Variants in HSPA12A observed in about 807,000 individuals in gnomAD.
HSPA12A encodes heat shock protein family A (Hsp70) member 12A.
HSPA12A carries 28 observed loss-of-function variants against 69.2 expected under a neutral mutation model. The ratio of observed to expected loss-of-function variants is 0.40; its 90% CI spans 0.30 to 0.55. The LOEUF (loss-of-function observed/expected upper bound fraction) is 0.55. HSPA12A is among the 20% of genes least tolerant of loss of function. The pLI, the probability that HSPA12A is intolerant of heterozygous loss-of-function variation, is 0.38. For missense variants in HSPA12A, 686 were observed against 900.7 expected, an observed-to-expected ratio of 0.76 and a Z score of 3.05; for synonymous variants, 345 against 370.5, an observed-to-expected ratio of 0.93 and a Z score of 0.79.
chr10:116,719,688 G>C (rs1850714989), intron 1 of HSPA12A, among the ~76,000 whole-genome samples: 1 of 152,134 alleles, frequency 6.6e-6, no homozygotes, highest in Non-Finnish European at 1.5e-5. Context: ...GAATAATGCA[G>C]GCAAAAGTCT....
chr10:116,790,097 T>C (rs1040771923), intron 2 of HSPA12A, among the ~76,000 whole-genome samples: 1 of 127,136 alleles, frequency 7.9e-6, no homozygotes, highest in African/African-American at 3.0e-5. Context: ...TCTTTCTTTT[T>C]TTTTTTTTTT....
chr10:116,827,517 G>GCCA (rs1338838411), intron 2 of HSPA12A: 1 of 152,230 alleles, frequency 6.6e-6, no homozygotes, highest in East Asian at 1.9e-4. Context: ...CAGTGCTGGT[G>GCCA]CCACCACCAC....
In HSPA12A at chr10:116,750,346, C is replaced by T. The variant is rs1554888210; in HGVS notation, c.92-43061G>A. 6.7e-6 allele frequency: 5 copies of T among 744,536 alleles called. No homozygotes were observed. In the African/African-American group the frequency reaches 6.8e-5, roughly 10 times the overall value. The allele number at this position is 744,536 out of a possible 1,614,324, so 46.1% of individuals were successfully genotyped here. ...CCTTCACCTGCTATTTGGATGCAGG[C>T]CTTGCCAAAACTACTTCTGGCAATA... On this transcript the variant is annotated intron_variant, in intron 2 of 12. Coordinates refer to the HSPA12A transcript ENST00000635765.
chr10:116,786,804 T>C (rs1589705722), intron 2 of HSPA12A, among the ~76,000 whole-genome samples: 1 of 152,220 alleles, frequency 6.6e-6, no homozygotes, highest in East Asian at 1.9e-4. Context: ...CACGTCCAGC[T>C]AATTTTTGTA....
chr10:116,777,078 T>G lies in HSPA12A; in HGVS notation c.91+57857A>C, dbSNP rs570358837. Among the ~76,000 whole-genome samples, 12 of 152,338 alleles carry G rather than the reference T, an allele frequency of 7.9e-5. No individual in the cohort carries two copies. The South Asian group carries it at 2.3e-3, about 29-fold the overall frequency. ...CTGTGTAGCCCGCTGAATTGTTCTCTGACATGAGTAGTGTGAGACGCCAGC... is the reference window on the plus strand; with the variant it reads ...CTGTGTAGCCCGCTGAATTGTTCTCGGACATGAGTAGTGTGAGACGCCAGC... On this transcript the variant is annotated intron_variant, in intron 2 of 12. Coordinates refer to the HSPA12A transcript ENST00000635765.
At chr10:116,715,418 G>C (rs1554883667) in intron 1 of HSPA12A, among the ~76,000 whole-genome samples, 1 of 152,200 alleles carries the variant, frequency 6.6e-6, no homozygotes, top group East Asian at 1.9e-4. Context: ...CATTGGTAAT[G>C]CTAAGGGATT....
chr10:116,711,792 T>C (rs542769083), intron 1 of HSPA12A, among the ~76,000 whole-genome samples: 2 of 151,564 alleles, frequency 1.3e-5, no homozygotes, highest in East Asian at 3.9e-4. Flanking sequence ...GCCTCCCGAG[T>C]AGCTGGGACT....
intron 1 of HSPA12A, among the ~76,000 whole-genome samples, chr10:116,838,993 A>G (rs1216058806): frequency 2.0e-5 from 3 of 152,218 alleles, no homozygotes; most frequent in African/African-American, 4.8e-5. Flanking sequence ...ACCAATATGT[A>G]TTTCATCCAC....
chr10:116,744,401 C>T (rs780920574), upstream of HSPA12A, among the ~76,000 whole-genome samples: 151 of 152,346 alleles, frequency 9.9e-4, no homozygotes, highest in Non-Finnish European at 1.8e-3. Flanking sequence ...ACCAGGGCAT[C>T]AGGACATTGG....
chr10:116,847,610 C>T (rs1434720887), intron 1 of HSPA12A, among the ~76,000 whole-genome samples: 2 of 152,202 alleles, frequency 1.3e-5, no homozygotes, highest in African/African-American at 2.4e-5. Flanking sequence ...ACCTCCAAAA[C>T]ATCTGATTGT....
intron 7 of HSPA12A, 140 bp downstream of exon 7, chr10:116,683,651 G>A (rs372707342): frequency 1.8e-5 from 14 of 769,990 alleles, no homozygotes; most frequent in African/African-American, 7.1e-5. Flanking sequence ...GAGCAGAGAG[G>A]TGCTTAAAGC....
chr10:116,700,132 G>A (rs782240859), intron 4 of HSPA12A, among the ~76,000 whole-genome samples: 3 of 152,168 alleles, frequency 2.0e-5, no homozygotes, highest in Non-Finnish European at 4.4e-5. Flanking sequence ...AGGCAGGGAG[G>A]GGTTACATAA....
chr10:116,736,714 G>A (rs1336315165), intron 1 of HSPA12A, among the ~76,000 whole-genome samples: 1 of 152,144 alleles, frequency 6.6e-6, no homozygotes, highest in African/African-American at 2.4e-5. Flanking sequence ...CGAGAAGTTT[G>A]AAAAGGCAAT....
rs989952218 is a variant in HSPA12A, at chr10:116,723,144, T to A, written c.41-15859A>T. On this transcript the variant is annotated intron_variant, in intron 1 of 11. Transcript: ENST00000369209. The surrounding 1 kb of genome is among the most constrained non-coding windows in gnomAD (Gnocchi z 4.1). Reference sequence around the variant, plus strand: ...GCCTCAAGCACCTACTGTAGCTCTCTATCCCCTTCATATCAGATGCAGCTG... The same window carrying A: ...GCCTCAAGCACCTACTGTAGCTCTCAATCCCCTTCATATCAGATGCAGCTG... Among the ~76,000 whole-genome samples the A allele has an allele frequency of 6.6e-6, 1 of 152,140 alleles. No individual in the cohort carries two copies. The highest frequency in any genetic ancestry group is 1.5e-5 in the Non-Finnish European group (1 of 68,030).
chr10:116,809,738 G>A (rs924274293), intron 2 of HSPA12A, among the ~76,000 whole-genome samples: 2 of 152,190 alleles, frequency 1.3e-5, no homozygotes, highest in Non-Finnish European at 2.9e-5. Context: ...CGCCTCTCCA[G>A]GCCTGTCCCC....
chr10:116,726,944 A>G (rs958746678), intron 1 of HSPA12A, among the ~76,000 whole-genome samples: 1 of 152,174 alleles, frequency 6.6e-6, no homozygotes, highest in Non-Finnish European at 1.5e-5. Flanking sequence ...TCAGATCTCC[A>G]TAATTCAGTG....
At chr10:116,731,889 C>G (rs1280817662) in intron 1 of HSPA12A, among the ~76,000 whole-genome samples, 1 of 152,112 alleles carries the variant, frequency 6.6e-6, no homozygotes, top group Non-Finnish European at 1.5e-5. Context: ...GAAAGAAAAA[C>G]AGACAGACAT....
chr10:116,726,387 C>A (rs1032254597), intron 1 of HSPA12A, among the ~76,000 whole-genome samples: 1 of 152,140 alleles, frequency 6.6e-6, no homozygotes, highest in African/African-American at 2.4e-5. Context: ...CACTCTACCT[C>A]TCTCCCCACG....
chr10:116,680,782 G>T (rs1221492535), intron 9 of HSPA12A, among the ~76,000 whole-genome samples: 1 of 152,190 alleles, frequency 6.6e-6, no homozygotes, highest in Non-Finnish European at 1.5e-5. Context: ...ACCGCACTTG[G>T]CCAATGGTTT....
Sources: gnomAD v4.1 joint callset for allele counts (sites outside exome capture counted in the v4.1 genomes callset) on GRCh38, gnomAD v4.1.1 for gene constraint, Gnocchi (gnomAD v3.1) non-coding constraint, MANE v1.5 for transcripts, NCBI Gene and HGNC (gene_info 2026-07-23, HGNC 2026-07-21) for gene names.